Variants in SELENOH observed in about 807,000 individuals in gnomAD.
The protein encoded by SELENOH is chromosome 11 open reading frame 31.
In SELENOH, 13 loss-of-function variants were observed where a neutral mutation model predicts 11.9. The ratio of observed to expected loss-of-function variants is 1.09; its 90% CI spans 0.71 to 1.74. The LOEUF (loss-of-function observed/expected upper bound fraction) is 1.74. Among genes scored for constraint, SELENOH ranks in the 40% most tolerant of loss-of-function variants. SELENOH has a pLI of 0.00. For missense variants in SELENOH, 223 were observed against 170.3 expected, an observed-to-expected ratio of 1.31 and a Z score of -1.72; for synonymous variants, 96 against 73.5, an observed-to-expected ratio of 1.31 and a Z score of -1.56.
chr11:57,742,344 C>A (rs1199101717), intron 3 of SELENOH, 97 bp downstream of exon 3: 4 of 845,432 alleles, frequency 4.7e-6, no homozygotes, highest in African/African-American at 3.4e-5. Context: ...GGGTAGCTCA[C>A]GCCTGCAATC....
Position 57,741,819 on chromosome 11 carries a change from C to G in SELENOH, c.133C>G (p.Arg45Gly), listed in dbSNP as rs745912453. ...TCCGTCTCTCCCTAGCACTAGCTGACGCGTCTATGGGCGCAACGCCGCGGC... is the reference window on the plus strand; with the variant it reads ...TCCGTCTCTCCCTAGCACTAGCTGAGGCGTCTATGGGCGCAACGCCGCGGC... ...TVVIEHCTSU[R>G]VYGRNAAALS... Residue 45 changes from arginine (R) to glycine (G), a missense_variant, in exon 2 of 4, where the codon CGC (arginine) becomes GGC (glycine). By Grantham distance (125) the Arg-to-Gly change is moderately radical. Coordinates refer to ENST00000534355, the MANE Select transcript of SELENOH (RefSeq NM_170746.4). The G allele has an allele frequency of 1.2e-6, 2 of 1,606,030 alleles. No homozygotes were observed. The highest frequency in any genetic ancestry group is 2.2e-5 in the South Asian group (2 of 89,832).
At chr11:57,742,405 C>A in intron 3 of SELENOH, 158 bp downstream of exon 3, 1 of 592,932 alleles carries the variant, frequency 1.7e-6, no homozygotes, top group Non-Finnish European at 3.0e-6. Context: ...ACAGGGAGAC[C>A]CTATTTGAAA....
chr11:57,742,417 C>CA (rs1261195082), intron 3 of SELENOH, 170 bp downstream of exon 3: 7 of 573,862 alleles, frequency 1.2e-5, no homozygotes, highest in South Asian at 4.3e-5. Flanking sequence ...TATTTGAAAA[C>CA]AAAAAACAAA....
chr11:57,741,839 C>A lies in SELENOH; in HGVS notation c.153C>A (p.Ala51=). The change falls in exon 2 of 4, where the codon GCC becomes GCA. Residue 51 remains alanine (A), a synonymous_variant. Coordinates refer to ENST00000534355, the MANE Select transcript of SELENOH (RefSeq NM_170746.4). ...CTSURVYGRN[A]AALSQALRLE... ...GCTGACGCGTCTATGGGCGCAACGCCGCGGCCCTGAGCCAGGCGCTGCGCC... is the reference window on the plus strand; with the variant it reads ...GCTGACGCGTCTATGGGCGCAACGCAGCGGCCCTGAGCCAGGCGCTGCGCC... 1 of 1,606,220 alleles carries A rather than the reference C, an allele frequency of 6.2e-7. No individual in the cohort carries two copies. Among genetic ancestry groups the A allele is most frequent in the Middle Eastern group, 1.7e-4 (1 of 6,050 alleles).
intron 2 of SELENOH, 62 bp from the exon 3 acceptor site, chr11:57,742,055 A>T (rs562038698): frequency 1.3e-6 from 2 of 1,586,496 alleles, no homozygotes; most frequent in East Asian, 2.3e-5. Flanking sequence ...CAGTCTCATG[A>T]CTTCAGAGAC....
At chr11:57,741,757 G>A in intron 1 of SELENOH, 40 bp downstream of exon 1, 1 of 1,598,544 alleles carries the variant, frequency 6.3e-7, no homozygotes, top group Non-Finnish European at 8.5e-7. Context: ...GGGAACAGTG[G>A]CGCCGGGGGG....
chr11:57,743,283 G>A lies in SELENOH; in HGVS notation c.*451G>A, dbSNP rs935090629. On this transcript the variant is annotated 3_prime_UTR_variant, in exon 4 of 4. Transcript: ENST00000534355. Reference sequence around the variant, plus strand: ...TACTCCTGCCTCAGTCTCCTGAGTAGCTGGGATCACAGGTGCACACCACCA... The same window carrying A: ...TACTCCTGCCTCAGTCTCCTGAGTAACTGGGATCACAGGTGCACACCACCA... 8 of 152,124 alleles carry A rather than the reference G, an allele frequency of 5.3e-5. No homozygotes were observed. Among genetic ancestry groups the A allele is most frequent in the African/African-American group, 1.9e-4 (8 of 41,410 alleles). The allele number at this position is 152,124 out of a possible 1,614,324, so 9.4% of individuals were successfully genotyped here.
At position 57,741,825 on chromosome 11, in the gene SELENOH, T is replaced by A; in HGVS notation, c.139T>A (p.Tyr47Asn). 1.2e-6 allele frequency: 2 copies of A among 1,606,282 alleles called. No homozygotes were observed. Among genetic ancestry groups the A allele is most frequent in the Non-Finnish European group, 1.7e-6 (2 of 1,176,682 alleles). ...VIEHCTSURV[Y>N]GRNAAALSQA... is the part of the protein sequence containing the mutation. ...TCTCCCTAGCACTAGCTGACGCGTC[T>A]ATGGGCGCAACGCCGCGGCCCTGAG... is the stretch of plus-strand genomic sequence containing the variant. Residue 47 changes from tyrosine (Y) to asparagine (N), a missense_variant, in exon 2 of 4, where the codon TAT (tyrosine) becomes AAT (asparagine). Transcript: ENST00000534355.
At position 57,741,613 on chromosome 11, in the gene SELENOH, G is replaced by A. The variant is rs1352740967; in HGVS notation, c.18G>A (p.Arg6=). Residue 6 remains arginine, a synonymous_variant, in exon 1 of 4, where the codon AGG becomes AGA. Coordinates refer to ENST00000534355, the MANE Select transcript of SELENOH (RefSeq NM_170746.4). ...TAGGCGCCATGGCTCCCCGCGGGAGGAAGCGTAAGGCTGAGGCCGCGGTGG... is the reference window on the plus strand; with the variant it reads ...TAGGCGCCATGGCTCCCCGCGGGAGAAAGCGTAAGGCTGAGGCCGCGGTGG... The part of the protein sequence containing the change: MAPRG[R]KRKAEAAVVA... The A allele has an allele frequency of 1.6e-6, 2 of 1,275,610 alleles. No homozygotes were observed. The highest frequency in any genetic ancestry group is 3.8e-5 in the Admixed American group (1 of 26,424). The allele number at this position is 1,275,610 out of a possible 1,614,324, so 79.0% of individuals were successfully genotyped here. A position where few individuals can be genotyped will look rare whatever the true frequency, so the allele number is the denominator to read the frequency against.
intron 3 of SELENOH, 47 bp downstream of exon 3, chr11:57,742,294 G>A (rs902882291): frequency 6.6e-6 from 9 of 1,373,838 alleles, no homozygotes; most frequent in South Asian, 3.8e-5. Flanking sequence ...AGGAAGAGAA[G>A]GCATTGATCT....
Position 57,743,473 on chromosome 11 carries a change from T to A in SELENOH, c.*641T>A, listed in dbSNP as rs1435162399. 6.6e-6 allele frequency: 1 copy of A among 152,264 alleles called. No individual in the cohort carries two copies. Among genetic ancestry groups the A allele is most frequent in the Non-Finnish European group, 1.5e-5 (1 of 68,066 alleles). The allele number at this position is 152,264 out of a possible 1,614,324, so 9.4% of individuals were successfully genotyped here. On this transcript the variant is annotated 3_prime_UTR_variant, in exon 4 of 4. Transcript: ENST00000534355. ...CACCGCACCTGGCCTGACCTGCAAC[T>A]TTTATGATCTCTGGTAAAACATGAG...
Position 57,741,867 on chromosome 11 carries a change from G to C in SELENOH, c.181G>C (p.Glu61Gln). The change falls in exon 2 of 4, where the codon GAG becomes CAG. Residue 61 changes from glutamate to glutamine, a missense_variant. Transcript: ENST00000534355. ...GGCCCTGAGCCAGGCGCTGCGCCTG[G>C]AGGCCCCAGAGCTTCCAGTAAAGGT... The part of the protein sequence containing the change: ...AAALSQALRL[E>Q]APELPVKVNP... 3 of 1,603,418 alleles carry C rather than the reference G, an allele frequency of 1.9e-6. No homozygotes were observed. Among genetic ancestry groups the C allele is most frequent in the Non-Finnish European group, 2.5e-6 (3 of 1,176,518 alleles).
chr11:57,742,213 C>G lies in SELENOH; in HGVS notation c.365C>G (p.Ser122Trp), dbSNP rs370024227. ...GTGGAAGAGTTGAAGAAGTACCTGT[C>G]GTAGGGAGATTTGGGTAGAAGCCCT... is the stretch of plus-strand genomic sequence containing the variant. ...EVVEELKKYL[S>W] The change falls in exon 3 of 4, where the codon TCG (serine) becomes TGG (tryptophan). Residue 122 changes from serine (S) to tryptophan (W), a missense_variant. Coordinates refer to ENST00000534355, the MANE Select transcript of SELENOH (RefSeq NM_170746.4). The G allele has an allele frequency of 1.2e-6, 2 of 1,607,504 alleles. No individual in the cohort carries two copies. Among genetic ancestry groups the G allele is most frequent in the Non-Finnish European group, 1.7e-6 (2 of 1,176,844 alleles).
At chr11:57,742,462 C>T in intron 3 of SELENOH, 1 of 495,972 alleles carries the variant, frequency 2.0e-6, no homozygotes, top group Non-Finnish European at 3.6e-6. Context: ...TCTAGTGTGC[C>T]CTAAGTGGAA....
At chr11:57,742,499 G>A (rs1278863192) in intron 3 of SELENOH, 7 of 430,030 alleles carry the variant, frequency 1.6e-5, no homozygotes, top group Non-Finnish European at 2.5e-5. Flanking sequence ...GACTGTAGTT[G>A]ACTTGCCCTG....
At chr11:57,742,046 A>C in intron 2 of SELENOH, 71 bp from the exon 3 acceptor site, 1 of 1,584,550 alleles carries the variant, frequency 6.3e-7, no homozygotes, top group Non-Finnish European at 8.6e-7. Context: ...AAACCACGGC[A>C]GTCTCATGAC....
chr11:57,741,633 C>T lies in SELENOH; in HGVS notation c.38C>T (p.Ala13Val). The T allele has an allele frequency of 7.8e-7, 1 of 1,274,586 alleles. No homozygotes were observed. Among genetic ancestry groups the T allele is most frequent in the Middle Eastern group, 3.0e-4 (1 of 3,384 alleles). 79.0% of individuals were successfully genotyped at this position (1,274,586 alleles called of 1,614,324 possible). A position where few individuals can be genotyped will look rare whatever the true frequency, so the allele number is the denominator to read the frequency against. Residue 13 changes from alanine to valine, a missense_variant, in exon 1 of 4, where the codon GCG becomes GTG. By Grantham distance (64) the Ala-to-Val change is moderately conservative. Coordinates refer to ENST00000534355, the MANE Select transcript of SELENOH (RefSeq NM_170746.4). ...GGGAGGAAGCGTAAGGCTGAGGCCG[C>T]GGTGGTCGCCGTAGCCGAGAAGCGA... ...PRGRKRKAEA[A>V]VVAVAEKREK...
Position 57,742,148 on chromosome 11 carries a change from G to GC in SELENOH, c.305dup (p.Arg103ThrfsTer?). On this transcript the variant is annotated frameshift_variant, in exon 3 of 4. Coordinates refer to ENST00000534355, the MANE Select transcript of SELENOH (RefSeq NM_170746.4). LOFTEE classifies it high-confidence loss of function. Reference sequence around the variant, plus strand: ...AGCTCTGGACTGGGATTAAGAAGGGGCCCCCACGCAAACTCAAATTCCCTG... The same window carrying GC: ...AGCTCTGGACTGGGATTAAGAAGGGGCCCCCCACGCAAACTCAAATTCCCTG... The GC allele has an allele frequency of 1.2e-6, 2 of 1,612,066 alleles. No individual in the cohort carries two copies. Among genetic ancestry groups the GC allele is most frequent in the Non-Finnish European group, 1.7e-6 (2 of 1,179,166 alleles).
rs201826539 is a variant in SELENOH, at chr11:57,741,852, C to G, written c.166C>G (p.Gln56Glu). 6.8e-6 allele frequency: 11 copies of G among 1,605,974 alleles called. No homozygotes were observed. The highest frequency in any genetic ancestry group is 9.3e-6 in the Non-Finnish European group (11 of 1,176,944). ...TGGGCGCAACGCCGCGGCCCTGAGC[C>G]AGGCGCTGCGCCTGGAGGCCCCAGA... is the stretch of plus-strand genomic sequence containing the variant. ...VYGRNAAALSQALRLEAPELP... is the reference protein window; with the variant it reads ...VYGRNAAALSEALRLEAPELP... Residue 56 changes from glutamine to glutamate, a missense_variant, in exon 2 of 4, where the codon CAG becomes GAG. By Grantham distance (29) the Gln-to-Glu change is conservative. Coordinates refer to ENST00000534355, the MANE Select transcript of SELENOH (RefSeq NM_170746.4).
Sources: gnomAD v4.1 joint callset for allele counts on GRCh38, gnomAD v4.1.1 for gene constraint, MANE v1.5 for transcripts, NCBI Gene and HGNC (gene_info 2026-07-23, HGNC 2026-07-21) for gene names.